Variants in DACH2 observed in about 807,000 individuals in gnomAD.
DACH2 encodes dachshund family transcription factor 2.
In DACH2, 17 loss-of-function variants were observed where a neutral mutation model predicts 35.8. The observed-to-expected ratio is 0.48, with a 90% confidence interval of 0.33 to 0.71. The LOEUF (loss-of-function observed/expected upper bound fraction) is 0.71, where lower values mean the gene tolerates loss of function less well. Among genes scored for constraint, DACH2 ranks in the 30% least tolerant of loss-of-function variants. The probability of loss-of-function intolerance (pLI) is 0.02; values close to 1 mark genes in which losing one functional copy is unlikely to be tolerated. For synonymous variants in DACH2, 195 were observed against 177.3 expected (o/e 1.10, Z -0.79); for missense variants, 469 against 472.7 (o/e 0.99, Z 0.07).
intron 4 of DACH2, among the ~76,000 whole-genome samples, chrX:86,681,669 T>TTA (rs1419672283): frequency 2.5e-5 from 2 of 80,251 alleles, no homozygotes; most frequent in African/African-American, 5.0e-5. Context: ...TTATATATAA[T>TTA]TATATATATA....
intron 1 of DACH2, among the ~76,000 whole-genome samples, chrX:86,294,656 T>G (rs201539362): frequency 0.012 from 1,286 of 110,097 alleles, 6 homozygotes; most frequent in Non-Finnish European, 0.016. Flanking sequence ...AGGGCCCTCA[T>G]CTGCAGGTCT....
Position 86,205,334 on chromosome X carries a change from T to A in DACH2, c.488+56226T>A, listed in dbSNP as rs1376790532. Among the ~76,000 whole-genome samples the A allele has an allele frequency of 9.2e-5, 10 of 109,261 alleles. No homozygotes were observed. The Admixed American group carries it at 9.8e-4, about 11-fold the overall frequency. 94.9% of individuals were successfully genotyped at this position (109,261 alleles called of 115,157 possible). A position where few individuals can be genotyped will look rare whatever the true frequency, so the allele number is the denominator to read the frequency against. On this transcript the variant is annotated intron_variant, in intron 1 of 11. Coordinates refer to ENST00000373125, the MANE Select transcript of DACH2 (RefSeq NM_053281.3). ...AAGATTTCTCCCATCCCCTCCAGAA[T>A]AAGAAGCTTTATTTTCAAATAAGCC...
chrX:86,610,419 T>C (rs2039925655), intron 3 of DACH2, among the ~76,000 whole-genome samples: 1 of 40,029 alleles, frequency 2.5e-5, no homozygotes, highest in East Asian at 1.3e-3. Context: ...CTTTCTTTCT[T>C]TTCTTTCTTT....
intron 1 of DACH2, among the ~76,000 whole-genome samples, chrX:86,338,156 A>T (rs1282125102): frequency 1.8e-5 from 2 of 111,700 alleles, no homozygotes; most frequent in African/African-American, 6.5e-5. Flanking sequence ...AGACAGATCA[A>T]CAAGACACAA....
At chrX:86,235,475 C>A (rs2033039187) in intron 1 of DACH2, among the ~76,000 whole-genome samples, 1 of 112,124 alleles carries the variant, frequency 8.9e-6, no homozygotes, top group South Asian at 3.7e-4. Context: ...AGAAATAGCA[C>A]ATTTGCTGGG....
intron 2 of DACH2, among the ~76,000 whole-genome samples, chrX:86,416,287 C>T (rs1011066878): frequency 1.8e-5 from 2 of 112,002 alleles, no homozygotes; most frequent in African/African-American, 6.5e-5. Context: ...AAGAATACAA[C>T]TTATACAATG....
intron 3 of DACH2, among the ~76,000 whole-genome samples, chrX:86,627,129 C>T (rs1038430893): frequency 1.8e-5 from 2 of 111,875 alleles, no homozygotes; most frequent in Non-Finnish European, 3.8e-5. Context: ...AACTGAATGC[C>T]TTTAAGAGCA....
chrX:86,449,184 CTCTT>C (rs2099858054), intron 2 of DACH2, among the ~76,000 whole-genome samples: 1 of 55,442 alleles, frequency 1.8e-5, no homozygotes, highest in Non-Finnish European at 3.3e-5. Flanking sequence ...TGATTCTTCT[CTCTT>C]TTTTTCTTTA....
At chrX:86,308,558 G>T (rs1341813615) in intron 1 of DACH2, among the ~76,000 whole-genome samples, 1 of 112,085 alleles carries the variant, frequency 8.9e-6, no homozygotes, top group East Asian at 2.8e-4. Context: ...GAGAATCATG[G>T]CCCCTTAATC....
Position 86,349,470 on chromosome X carries a change from C to A in DACH2, c.489-27354C>A, listed in dbSNP as rs768731131. On this transcript the variant is annotated intron_variant, in intron 1 of 11. Coordinates refer to ENST00000373125, the MANE Select transcript of DACH2 (RefSeq NM_053281.3). ...TCTTGGAAAATGCAACCTTTGGGTG[C>A]GAAAACAGGAGTGCCTGTCCTCACC... is the stretch of plus-strand genomic sequence containing the variant. Among the ~76,000 whole-genome samples, 7 of 111,835 alleles carry A rather than the reference C, an allele frequency of 6.3e-5. No individual in the cohort carries two copies. The East Asian group carries it at 1.7e-3, about 28-fold the overall frequency.
intron 1 of DACH2, among the ~76,000 whole-genome samples, chrX:86,182,568 A>G (rs948497066): frequency 9.0e-6 from 1 of 111,530 alleles, no homozygotes; most frequent in Non-Finnish European, 1.9e-5. Context: ...TACCAGTACC[A>G]TGCTGTCTTG....
At chrX:86,403,393 G>C (rs920775066) in intron 2 of DACH2, among the ~76,000 whole-genome samples, 2 of 111,883 alleles carry the variant, frequency 1.8e-5, no homozygotes, top group Admixed American at 9.5e-5. Context: ...CACTTCTCAA[G>C]AAGAGTCATA....
At chrX:86,444,319 G>T (rs888612009) in intron 2 of DACH2, among the ~76,000 whole-genome samples, 2 of 111,185 alleles carry the variant, frequency 1.8e-5, no homozygotes, top group South Asian at 7.5e-4. Flanking sequence ...CAAACTCCTG[G>T]TCTCAAGCAA....
intron 2 of DACH2, among the ~76,000 whole-genome samples, chrX:86,452,467 G>T (rs991934768): frequency 2.7e-5 from 3 of 111,042 alleles, no homozygotes; most frequent in Non-Finnish European, 5.7e-5. Context: ...GCCTTTTTTG[G>T]TTGGTAGGCT....
At chrX:86,278,553 T>C (rs2033962651) in intron 1 of DACH2, among the ~76,000 whole-genome samples, 1 of 112,602 alleles carries the variant, frequency 8.9e-6, no homozygotes, top group Non-Finnish European at 1.9e-5. Flanking sequence ...TTAATAAAGA[T>C]GTGTTTGAGC....
Position 86,488,841 on chromosome X carries a change from A to T in DACH2, c.528-25438A>T, listed in dbSNP as rs1489459090. On this transcript the variant is annotated intron_variant, in intron 2 of 11. Transcript: ENST00000373125. The stretch of plus-strand genomic sequence containing the variant: ...CATATTTCACAGTGTTGTTCAAAGT[A>T]TTAAATGAGTCAATATATATAAAAA... Among the ~76,000 whole-genome samples, 4 of 111,929 alleles carry T rather than the reference A, an allele frequency of 3.6e-5. No homozygotes were observed. The Admixed American group carries it at 3.8e-4, about 11-fold the overall frequency.
chrX:86,495,830 C>G (rs184196036), intron 2 of DACH2, among the ~76,000 whole-genome samples: 1 of 109,981 alleles, frequency 9.1e-6, no homozygotes, highest in African/African-American at 3.3e-5. Flanking sequence ...AAAATAAATT[C>G]AAGTTCAAGC....
intron 2 of DACH2, among the ~76,000 whole-genome samples, chrX:86,393,939 T>TTTA (rs61097672): frequency 0.059 from 6,183 of 104,781 alleles, 216 homozygotes; most frequent in East Asian, 0.22. Flanking sequence ...TGGTAGCTAT[T>TTTA]TTATTATTAT....
At chrX:86,559,997 T>C (rs1602645940) in intron 3 of DACH2, among the ~76,000 whole-genome samples, 1 of 58,850 alleles carries the variant, frequency 1.7e-5, no homozygotes, top group East Asian at 5.1e-4. Flanking sequence ...TGTTAGCTGG[T>C]TATTTTGCTC....
Sources: gnomAD v4.1 joint callset for allele counts (sites outside exome capture counted in the v4.1 genomes callset) on GRCh38, gnomAD v4.1.1 for gene constraint, MANE v1.5 for transcripts, NCBI Gene and HGNC (gene_info 2026-07-23, HGNC 2026-07-21) for gene names.